NEBL: variants seen among roughly 807,000 people sequenced by gnomAD.
NEBL encodes LIM and SH3 protein 2.
A neutral mutation model predicts 140.2 loss-of-function variants in NEBL; 122 were observed. The ratio of observed to expected loss-of-function variants is 0.87; its 90% CI spans 0.75 to 1.01. The LOEUF (loss-of-function observed/expected upper bound fraction) is 1.01, where lower values mean the gene tolerates loss of function less well. Ranked by LOEUF, NEBL falls within the 50% of genes least tolerant of loss-of-function variation. The probability of loss-of-function intolerance (pLI) is 0.00; values close to 1 mark genes in which losing one functional copy is unlikely to be tolerated. For synonymous variants in NEBL, 436 were observed against 398.9 expected (o/e 1.09, Z -1.11); for missense variants, 1,365 against 1,231.3 (o/e 1.11, Z -1.62).
chr10:21,003,542 T>G (rs937351154), intron 3 of NEBL, among the ~76,000 whole-genome samples: 1 of 152,194 alleles, frequency 6.6e-6, no homozygotes, highest in African/African-American at 2.4e-5. Context: ...AACCATGAAT[T>G]TTCCTTCTGT....
intron 4 of NEBL, among the ~76,000 whole-genome samples, chr10:20,912,410 C>G (rs1461731165): frequency 6.6e-6 from 1 of 152,214 alleles, no homozygotes; most frequent in African/African-American, 2.4e-5. Context: ...ACGATCGTGC[C>G]ACTGCACTCC....
chr10:21,253,252 C>T (rs562846701), intron 1 of NEBL, among the ~76,000 whole-genome samples: 1 of 152,212 alleles, frequency 6.6e-6, no homozygotes, highest in Admixed American at 6.5e-5. Context: ...GCCTGGGCGA[C>T]AAGAATGAAA....
In NEBL at chr10:21,121,954, T is replaced by C. The variant is rs1564518625; in HGVS notation, c.164+50429A>G. On this transcript the variant is annotated intron_variant, in intron 2 of 6. Transcript: ENST00000417816. ...CAATATTAAGGAAGTTAACAGGTAATGTACATACAAATACATTTTCAGGCC... is the reference window on the plus strand; with the variant it reads ...CAATATTAAGGAAGTTAACAGGTAACGTACATACAAATACATTTTCAGGCC... 3.9e-5 allele frequency among the ~76,000 whole-genome samples: 6 copies of C among 152,212 alleles called. No homozygotes were observed. The South Asian group carries it at 1.2e-3, about 31-fold the overall frequency.
intron 2 of NEBL, among the ~76,000 whole-genome samples, chr10:21,144,584 G>A (rs1179858500): frequency 1.3e-5 from 2 of 152,150 alleles, no homozygotes; most frequent in Non-Finnish European, 2.9e-5. Flanking sequence ...AAATAAGCCA[G>A]GTGTGGTGGC....
chr10:20,813,085 G>C, intron 23 of NEBL, 145 bp from the exon 24 acceptor site: 1 of 722,886 alleles, frequency 1.4e-6, no homozygotes, highest in Non-Finnish European at 2.4e-6. Flanking sequence ...CAAAACTAAA[G>C]TCTGGAACTT....
rs117706487 is a variant in NEBL at position 21,123,778 on chromosome 10, T to C, written c.164+48605A>G. Among the ~76,000 whole-genome samples the C allele has an allele frequency of 2.2e-3, 330 of 150,648 alleles. 14 individuals are homozygous for C. The East Asian group carries it at 0.056, about 26-fold the overall frequency. Reference sequence around the variant, plus strand: ...ATATATTCATAAAATCTTCAACATATATAATTTTATATATTATATAAATAT... The same window carrying C: ...ATATATTCATAAAATCTTCAACATACATAATTTTATATATTATATAAATAT... On this transcript the variant is annotated intron_variant, in intron 2 of 6. Coordinates refer to the NEBL transcript ENST00000417816.
intron 4 of NEBL, among the ~76,000 whole-genome samples, chr10:20,916,863 T>C (rs1039986498): frequency 6.6e-6 from 1 of 152,206 alleles, no homozygotes; most frequent in Non-Finnish European, 1.5e-5. Flanking sequence ...AATATACAAG[T>C]CCTGCAGTGT....
At chr10:20,798,041 G>C (rs1163378921) in intron 26 of NEBL, among the ~76,000 whole-genome samples, 1 of 151,526 alleles carries the variant, frequency 6.6e-6, no homozygotes, top group Non-Finnish European at 1.5e-5. Flanking sequence ...AGTTAGAGGT[G>C]CAGTGAGCTA....
At chr10:20,805,566 T>G in intron 26 of NEBL, among the ~76,000 whole-genome samples, 1 of 152,120 alleles carries the variant, frequency 6.6e-6, no homozygotes, top group East Asian at 1.9e-4. Flanking sequence ...AAGAGTCAAC[T>G]TTTTGGCCAG....
intron 3 of NEBL, among the ~76,000 whole-genome samples, chr10:21,230,453 T>C (rs1396171215): frequency 1.3e-5 from 2 of 152,186 alleles, no homozygotes; most frequent in African/African-American, 4.8e-5. Context: ...GAATTCAACA[T>C]GATTTATTAA....
At chr10:21,095,125 A>G (rs1271613881) in intron 2 of NEBL, among the ~76,000 whole-genome samples, 1 of 152,194 alleles carries the variant, frequency 6.6e-6, no homozygotes, top group African/African-American at 2.4e-5. Context: ...TCTCAGACCA[A>G]CCAACCATAT....
intron 2 of NEBL, among the ~76,000 whole-genome samples, chr10:21,023,153 T>C (rs1268416598): frequency 6.6e-6 from 1 of 152,252 alleles, no homozygotes; most frequent in Non-Finnish European, 1.5e-5. Context: ...TGTTTTCTTG[T>C]GTTTTGTTTT....
rs746769154 is a variant in NEBL at position 20,809,841 on chromosome 10, T to G, written c.2576A>C (p.Asp859Ala). 7 of 1,613,524 alleles carry G rather than the reference T, an allele frequency of 4.3e-6. No homozygotes were observed. The South Asian group carries it at 7.7e-5, about 18-fold the overall frequency. Residue 859 changes from aspartate to alanine, a missense_variant, in exon 25 of 28, where the codon GAC becomes GCC. By Grantham distance (126) the Asp-to-Ala change is moderately radical. Transcript: ENST00000377122. ...GSIFDLDPLE[D>A]NIQSRSLHML... ...ATGGAGACTTCTAGACTGAATATTG[T>G]CTTCCAGGGGATCAAGGTCGAAGAT...
chr10:21,006,361 G>A (rs1011852582), intron 3 of NEBL, among the ~76,000 whole-genome samples: 3 of 152,172 alleles, frequency 2.0e-5, no homozygotes, highest in African/African-American at 7.2e-5. Context: ...CTTGTTGCTA[G>A]ATTGCTTTTT....
intron 26 of NEBL, among the ~76,000 whole-genome samples, chr10:20,805,661 T>C (rs1184307193): frequency 6.6e-6 from 1 of 152,138 alleles, no homozygotes; most frequent in Non-Finnish European, 1.5e-5. Context: ...AAGACCAGCC[T>C]GGCCAACACG....
At chr10:21,184,598 C>T (rs1328549221) in intron 3 of NEBL, among the ~76,000 whole-genome samples, 1 of 151,648 alleles carries the variant, frequency 6.6e-6, no homozygotes, top group Non-Finnish European at 1.5e-5. Flanking sequence ...AAACCTGATC[C>T]CCTGCTGCTG....
At chr10:21,228,261 C>T (rs977355712) in intron 3 of NEBL, among the ~76,000 whole-genome samples, 1 of 152,098 alleles carries the variant, frequency 6.6e-6, no homozygotes, top group Admixed American at 6.6e-5. Context: ...TCACGCAATG[C>T]TCCCGCCTCA....
chr10:21,232,423 T>C (rs542112650), intron 3 of NEBL, among the ~76,000 whole-genome samples: 39 of 152,336 alleles, frequency 2.6e-4, no homozygotes, highest in Non-Finnish European at 5.3e-4. Context: ...GTGCACTTTA[T>C]TTCTGTTATT....
intron 26 of NEBL, among the ~76,000 whole-genome samples, chr10:20,790,890 AAAGT>A (rs1309953413): frequency 3.9e-5 from 6 of 152,202 alleles, no homozygotes; most frequent in African/African-American, 1.4e-4. Context: ...GGATTTTTAA[AAAGT>A]AAGATGTCAG....
Sources: gnomAD v4.1 joint callset for allele counts (sites outside exome capture counted in the v4.1 genomes callset) on GRCh38, gnomAD v4.1.1 for gene constraint, MANE v1.5 for transcripts, NCBI Gene and HGNC (gene_info 2026-07-23, HGNC 2026-07-21) for gene names.